RASGRF2: variants seen among roughly 807,000 people sequenced by gnomAD.
RASGRF2 encodes the protein Ras protein specific guanine nucleotide releasing factor 2, also known as ras-specific guanine nucleotide-releasing factor 2.
In RASGRF2, 76 loss-of-function variants were observed where a neutral mutation model predicts 151.0. The observed-to-expected ratio is 0.50, with a 90% CI of 0.42 to 0.61. The LOEUF (loss-of-function observed/expected upper bound fraction) is 0.61. Ranked by LOEUF, RASGRF2 falls within the 20% of genes least tolerant of loss-of-function variation. The probability of loss-of-function intolerance (pLI) is 0.00; values close to 1 mark genes in which losing one functional copy is unlikely to be tolerated. For missense variants in RASGRF2, 1,148 were observed against 1,564.6 expected, an observed-to-expected ratio of 0.73 and a Z score of 4.49; for synonymous variants, 504 against 566.5, an observed-to-expected ratio of 0.89 and a Z score of 1.57.
intron 17 of RASGRF2, among the ~76,000 whole-genome samples, chr5:81,144,422 C>T (rs1580356212): frequency 6.6e-6 from 1 of 152,276 alleles, no homozygotes; most frequent in South Asian, 2.1e-4. Context: ...AGGTTGTGCC[C>T]TTGCCGGCAC....
intron 18 of RASGRF2, among the ~76,000 whole-genome samples, chr5:81,187,561 C>T (rs1490980669): frequency 1.3e-5 from 2 of 152,202 alleles, no homozygotes; most frequent in South Asian, 2.1e-4. Context: ...CTTTATGTAA[C>T]CTCAGAGTCA....
intron 1 of RASGRF2, among the ~76,000 whole-genome samples, chr5:80,990,611 T>C (rs1359589864): frequency 6.6e-6 from 1 of 152,168 alleles, no homozygotes; most frequent in Admixed American, 6.5e-5. Flanking sequence ...GTCCACACCT[T>C]TGCTGCCTCA....
chr5:81,154,645 G>T (rs574547019), intron 17 of RASGRF2, among the ~76,000 whole-genome samples: 1 of 152,058 alleles, frequency 6.6e-6, no homozygotes, highest in African/African-American at 2.4e-5. Context: ...GGTATGTTTC[G>T]AGAACACAGT....
intron 18 of RASGRF2, among the ~76,000 whole-genome samples, chr5:81,185,482 G>A (rs575583049): frequency 7.4e-4 from 112 of 152,256 alleles, no homozygotes; most frequent in Middle Eastern, 3.4e-3. Context: ...GCAGCCCAGG[G>A]CCTGGGGGAG....
chr5:81,112,979 T>C, intron 14 of RASGRF2, 121 bp downstream of exon 14: 1 of 1,281,766 alleles, frequency 7.8e-7, no homozygotes, highest in Non-Finnish European at 1.1e-6. Flanking sequence ...AGCTTGCCTC[T>C]GAATGTACCA....
intron 17 of RASGRF2, among the ~76,000 whole-genome samples, chr5:81,148,546 T>G (rs550139571): frequency 5.8e-4 from 88 of 152,272 alleles, no homozygotes; most frequent in African/African-American, 1.9e-3. Flanking sequence ...TAAACATTGC[T>G]TCAGCTAAAC....
intron 1 of RASGRF2, among the ~76,000 whole-genome samples, chr5:81,019,092 C>T (rs550192454): frequency 5.9e-5 from 9 of 152,352 alleles, no homozygotes; most frequent in East Asian, 1.9e-4. Context: ...TAAGGCACTG[C>T]GCCTGGCGCA....
chr5:81,220,266 A>C (rs1755830686), intron 26 of RASGRF2, among the ~76,000 whole-genome samples: 1 of 152,260 alleles, frequency 6.6e-6, no homozygotes, highest in Non-Finnish European at 1.5e-5. Context: ...CTTAAGGTTC[A>C]GTTCACATCA....
intron 18 of RASGRF2, among the ~76,000 whole-genome samples, chr5:81,198,532 C>T (rs1052660959): frequency 2.0e-5 from 3 of 152,194 alleles, no homozygotes; most frequent in Non-Finnish European, 2.9e-5. Flanking sequence ...CTCCGCCTGC[C>T]GGGTTCACAC....
intron 12 of RASGRF2, among the ~76,000 whole-genome samples, chr5:81,104,580 T>C (rs1752793049): frequency 6.6e-6 from 1 of 152,192 alleles, no homozygotes; most frequent in Non-Finnish European, 1.5e-5. Flanking sequence ...TATTGTTCCA[T>C]CCAAAGTAGT....
rs1756051664 is a variant in RASGRF2, at chr5:81,228,748, T to C, written c.*2978T>C. On this transcript the variant is annotated 3_prime_UTR_variant, in exon 27 of 27. Transcript: ENST00000265080. ...AAATCTCTTACCTAATCCAATATAT[T>C]ATTTGACAGATTCAGGCATGAAGTA... is the stretch of plus-strand genomic sequence containing the variant. 1 of 152,226 alleles carries C rather than the reference T, an allele frequency of 6.6e-6. No homozygotes were observed. Among genetic ancestry groups the C allele is most frequent in the Non-Finnish European group, 1.5e-5 (1 of 68,038 alleles). The allele number at this position is 152,226 out of a possible 1,614,324, so 9.4% of individuals were successfully genotyped here. A position where few individuals can be genotyped will look rare whatever the true frequency, so the allele number is the denominator to read the frequency against.
intron 17 of RASGRF2, among the ~76,000 whole-genome samples, chr5:81,142,590 C>T (rs1054058509): frequency 1.3e-5 from 2 of 152,114 alleles, no homozygotes; most frequent in African/African-American, 2.4e-5. Flanking sequence ...TTATTCATCT[C>T]CTCTTTTTCT....
At chr5:81,110,219 T>C (rs1265064089) in intron 13 of RASGRF2, among the ~76,000 whole-genome samples, 2 of 152,242 alleles carry the variant, frequency 1.3e-5, no homozygotes, top group Non-Finnish European at 2.9e-5. Context: ...AAGCACTCAC[T>C]TCCTTTTAAA....
At chr5:81,021,111 C>A (rs907397618) in intron 1 of RASGRF2, among the ~76,000 whole-genome samples, 2 of 152,112 alleles carry the variant, frequency 1.3e-5, no homozygotes, top group Admixed American at 6.5e-5. Flanking sequence ...AAGAAACTGG[C>A]AGAAATGAAA....
intron 1 of RASGRF2, among the ~76,000 whole-genome samples, chr5:80,997,013 A>T (rs1209006646): frequency 2.0e-5 from 3 of 152,208 alleles, no homozygotes; most frequent in Non-Finnish European, 4.4e-5. Context: ...AAGTCTCCTT[A>T]TTTGGCAATT....
At chr5:81,052,242 A>G (rs1751034503) in intron 2 of RASGRF2, among the ~76,000 whole-genome samples, 1 of 152,200 alleles carries the variant, frequency 6.6e-6, no homozygotes, top group African/African-American at 2.4e-5. Context: ...AAAGATATTT[A>G]CTTTTAGAAG....
chr5:81,164,789 G>A (rs1218941976), intron 17 of RASGRF2, among the ~76,000 whole-genome samples: 1 of 152,190 alleles, frequency 6.6e-6, no homozygotes, highest in Non-Finnish European at 1.5e-5. Flanking sequence ...ATTGTAGAGG[G>A]AGGAATGATG....
At chr5:80,993,888 A>G (rs1206507711) in intron 1 of RASGRF2, among the ~76,000 whole-genome samples, 2 of 152,142 alleles carry the variant, frequency 1.3e-5, no homozygotes, top group Admixed American at 1.3e-4. Flanking sequence ...GAGGGTTTCC[A>G]TGTACCTTGG....
At chr5:81,062,980 T>G (rs542540781) in intron 2 of RASGRF2, among the ~76,000 whole-genome samples, 1 of 152,242 alleles carries the variant, frequency 6.6e-6, no homozygotes, top group African/African-American at 2.4e-5. Context: ...TCAAAATATT[T>G]TCTCCACAAT....
Sources: gnomAD v4.1 joint callset for allele counts (sites outside exome capture counted in the v4.1 genomes callset) on GRCh38, gnomAD v4.1.1 for gene constraint, MANE v1.5 for transcripts, NCBI Gene and HGNC (gene_info 2026-07-23, HGNC 2026-07-21) for gene names.